The following MACROD2 variants were observed in gnomAD, a reference collection of about 807,000 sequenced individuals.
MACROD2 encodes ADP-ribose glycohydrolase MACROD2.
A neutral mutation model predicts 70.4 loss-of-function variants in MACROD2; 36 were observed. The ratio of observed to expected loss-of-function variants is 0.51; its 90% confidence interval spans 0.39 to 0.68. The LOEUF is 0.68. Ranked by LOEUF, MACROD2 falls within the 30% of genes least tolerant of loss-of-function variation. The pLI is 0.00. For missense variants in MACROD2, 496 were observed against 538.4 expected (o/e 0.92, Z 0.78); for synonymous variants, 172 against 178.8 (o/e 0.96, Z 0.30).
chr20:15,741,124 G>A (rs1486136690), intron 8 of MACROD2, among the ~76,000 whole-genome samples: 5 of 133,702 alleles, frequency 3.7e-5, no homozygotes, highest in East Asian at 2.2e-4. Flanking sequence ...GTGGAGTCTC[G>A]CTCTGTCACC....
At chr20:15,242,625 AT>A in intron 6 of MACROD2, among the ~76,000 whole-genome samples, 1 of 152,286 alleles carries the variant, frequency 6.6e-6, no homozygotes, top group Admixed American at 6.5e-5. Flanking sequence ...AGATTTAATA[AT>A]TTTTAAGCTA....
At chr20:14,758,075 T>C in intron 5 of MACROD2, 1 of 549,862 alleles carries the variant, frequency 1.8e-6, no homozygotes, top group Non-Finnish European at 3.3e-6. Context: ...AGGGTTATTT[T>C]GCATTGTATA....
chr20:14,706,782 G>A (rs2071275064), intron 5 of MACROD2, among the ~76,000 whole-genome samples: 1 of 152,044 alleles, frequency 6.6e-6, no homozygotes, highest in African/African-American at 2.4e-5. Context: ...TTGGCAGAAA[G>A]CAAGCACCGC....
chr20:15,445,076 T>A (rs1200313479), intron 7 of MACROD2, among the ~76,000 whole-genome samples: 1 of 152,206 alleles, frequency 6.6e-6, no homozygotes, highest in Non-Finnish European at 1.5e-5. Context: ...GCTTAGATTC[T>A]AGAACTCTGT....
chr20:14,113,823 G>C (rs1475509135), intron 3 of MACROD2, among the ~76,000 whole-genome samples: 1 of 152,052 alleles, frequency 6.6e-6, no homozygotes, highest in African/African-American at 2.4e-5. Flanking sequence ...GATTCCCTTT[G>C]TGTTTATCCA....
chr20:15,464,972 C>G lies in MACROD2; in HGVS notation c.571+33537C>G, dbSNP rs147741935. ...GGCACTTACCTCCCGTGGAGGGAGA[C>G]CTGATTTGATTTTTTTACTCTCTTT... On this transcript the variant is annotated intron_variant, in intron 7 of 17. Transcript: ENST00000684519. 3.1e-3 allele frequency among the ~76,000 whole-genome samples: 467 copies of G among 152,236 alleles called. 3 individuals carry two copies. Among genetic ancestry groups the G allele is most frequent in the African/African-American group, 0.01 (432 of 41,546 alleles).
At chr20:14,992,676 T>C (rs1306043884) in intron 5 of MACROD2, among the ~76,000 whole-genome samples, 1 of 152,200 alleles carries the variant, frequency 6.6e-6, no homozygotes, top group Non-Finnish European at 1.5e-5. Context: ...TTTAATAGCC[T>C]TTTCCTAAGT....
Position 15,206,524 on chromosome 20 carries a change from A to G in MACROD2, c.419-23416A>G, listed in dbSNP as rs143930401. Among the ~76,000 whole-genome samples the G allele has an allele frequency of 5.1e-4, 77 of 152,010 alleles. No individual in the cohort carries two copies. The Middle Eastern group carries it at 0.01, about 20-fold the overall frequency. ...GTGGAGAATATTTCCATCACATCAG[A>G]AAGCATTTTATATTAAGTAATTTTT... On this transcript the variant is annotated intron_variant, in intron 5 of 17. Coordinates refer to ENST00000684519, the MANE Select transcript of MACROD2 (RefSeq NM_001351661.2).
chr20:15,910,305 C>T (rs116693296), intron 10 of MACROD2, among the ~76,000 whole-genome samples: 3,179 of 151,844 alleles, frequency 0.021, 94 homozygotes, highest in African/African-American at 0.07. Flanking sequence ...AGTTATTCTT[C>T]CTTTGTGTAT....
chr20:15,649,935 A>T (rs2146793569), intron 8 of MACROD2, among the ~76,000 whole-genome samples: 1 of 152,374 alleles, frequency 6.6e-6, no homozygotes, highest in East Asian at 1.9e-4. Context: ...ATTATGGTAT[A>T]CATAAATAGA....
chr20:16,008,682 G>C (rs1401131308), intron 15 of MACROD2, among the ~76,000 whole-genome samples: 1 of 152,216 alleles, frequency 6.6e-6, no homozygotes, highest in South Asian at 2.1e-4. Context: ...AGTTCTGGCA[G>C]TAGTGCCAGG....
intron 5 of MACROD2, among the ~76,000 whole-genome samples, chr20:15,107,774 T>C (rs991083105): frequency 5.9e-4 from 89 of 152,124 alleles, no homozygotes; most frequent in African/African-American, 2.1e-3. Context: ...TACTTACCTG[T>C]GTTTGTTGTT....
intron 8 of MACROD2, among the ~76,000 whole-genome samples, chr20:15,797,358 G>A (rs1267390401): frequency 2.0e-5 from 3 of 151,960 alleles, no homozygotes; most frequent in East Asian, 3.9e-4. Context: ...CTCGTGATCC[G>A]CCCGCCCCAG....
intron 4 of MACROD2, among the ~76,000 whole-genome samples, chr20:14,569,030 C>T (rs993104192): frequency 6.6e-6 from 1 of 151,902 alleles, no homozygotes; most frequent in African/African-American, 2.4e-5. Flanking sequence ...TCTGGCAGTA[C>T]GTAAATCTGA....
chr20:16,014,737 G>A (rs2066907712), intron 15 of MACROD2, among the ~76,000 whole-genome samples: 1 of 152,138 alleles, frequency 6.6e-6, no homozygotes, highest in Middle Eastern at 3.2e-3. Context: ...ATGTCCTTTG[G>A]TGAGGGTTCC....
At chr20:15,311,056 A>T (rs2077746920) in intron 6 of MACROD2, among the ~76,000 whole-genome samples, 2 of 152,216 alleles carry the variant, frequency 1.3e-5, no homozygotes, top group Non-Finnish European at 2.9e-5. Context: ...ATAGGTAAAG[A>T]CTTAGTAAAG....
chr20:15,471,059 C>T (rs1193511430), intron 7 of MACROD2, among the ~76,000 whole-genome samples: 2 of 152,136 alleles, frequency 1.3e-5, no homozygotes, highest in African/African-American at 4.8e-5. Context: ...CTTGTATGTG[C>T]CCCTTTCTCC....
At chr20:14,644,494 A>T (rs1324901304) in intron 4 of MACROD2, among the ~76,000 whole-genome samples, 2 of 152,162 alleles carry the variant, frequency 1.3e-5, no homozygotes, top group Non-Finnish European at 2.9e-5. Flanking sequence ...TTATTTGCAG[A>T]TTATTATATA....
intron 3 of MACROD2, among the ~76,000 whole-genome samples, chr20:14,369,043 A>G (rs978874852): frequency 6.6e-6 from 1 of 152,162 alleles, no homozygotes; most frequent in African/African-American, 2.4e-5. Context: ...TTCGGTATAC[A>G]TGAATGCTAT....
Sources: gnomAD v4.1 joint callset for allele counts (sites outside exome capture counted in the v4.1 genomes callset) on GRCh38, gnomAD v4.1.1 for gene constraint, MANE v1.5 for transcripts, NCBI Gene and HGNC (gene_info 2026-07-23, HGNC 2026-07-21) for gene names.